CUBN: variants seen among roughly 807,000 people sequenced by gnomAD.
CUBN encodes 460 kDa receptor.
CUBN carries 282 observed loss-of-function variants against 405.3 expected under a neutral mutation model. The observed-to-expected ratio is 0.70, with a 90% CI of 0.63 to 0.77. The LOEUF (loss-of-function observed/expected upper bound fraction) is 0.77. Ranked by LOEUF, CUBN falls within the 30% of genes least tolerant of loss-of-function variation. CUBN has a pLI of 0.00. For missense variants in CUBN, 4,514 were observed against 4,475.2 expected, an observed-to-expected ratio of 1.01 and a Z score of -0.25; for synonymous variants, 1,684 against 1,617.0, an observed-to-expected ratio of 1.04 and a Z score of -0.99.
In CUBN at chr10:16,840,893, A is replaced by G. The variant is rs767672724; in HGVS notation, c.9818T>C (p.Ile3273Thr). 2.5e-6 allele frequency: 4 copies of G among 1,611,058 alleles called. No individual in the cohort carries two copies. Among genetic ancestry groups the G allele is most frequent in the Middle Eastern group, 1.9e-4 (1 of 5,216 alleles). ...EREGFNATYT[I>T]MDMPCGGTYN... ...TGCTTCTATTTACTCACTGTCCATG[A>G]TGGTGTATGTAGCATTAAATCCTTC... The change falls in exon 61 of 67, where the codon ATC becomes ACC. Residue 3273 changes from isoleucine (I) to threonine (T), a missense_variant. Around this residue, in one of 5 missense-constraint regions of CUBN, gnomAD observed 1,186 missense variants for 1,186.9 expected, o/e 1.00. Transcript: ENST00000377833.
intron 39 of CUBN, among the ~76,000 whole-genome samples, chr10:16,936,815 C>G (rs1397204017): frequency 2.6e-5 from 4 of 152,166 alleles, no homozygotes; most frequent in African/African-American, 9.7e-5. Context: ...CCTCCTGGTT[C>G]AGGCAATTCT....
chr10:16,987,564 T>C (rs190939604), intron 29 of CUBN, among the ~76,000 whole-genome samples: 1 of 152,278 alleles, frequency 6.6e-6, no homozygotes, highest in African/African-American at 2.4e-5. Flanking sequence ...AAGGGAAAAA[T>C]GGCTTCTGAA....
intron 61 of CUBN, 73 bp from the exon 62 acceptor site, chr10:16,840,608 G>A: frequency 7.8e-7 from 1 of 1,281,218 alleles, no homozygotes; most frequent in Non-Finnish European, 1.1e-6. Context: ...TTGCAATTCT[G>A]TCTTCCCTGC....
chr10:16,964,049 C>G (rs1222744812), intron 31 of CUBN, among the ~76,000 whole-genome samples: 1 of 152,138 alleles, frequency 6.6e-6, no homozygotes, highest in African/African-American at 2.4e-5. Context: ...AACAAAAGAA[C>G]TTGAAGCAAA....
rs1432738267 is a variant in CUBN at position 17,068,115 on chromosome 10, G to A, written c.2957C>T (p.Thr986Ile). The A allele has an allele frequency of 6.2e-7, 1 of 1,613,370 alleles. No homozygotes were observed. Among genetic ancestry groups the A allele is most frequent in the African/African-American group, 1.3e-5 (1 of 74,868 alleles). ...GTCATAAACTTCCAAGTAGTCGTTTGTGCAATTGTAATGAAACTCCAGATG... is the reference window on the plus strand; with the variant it reads ...GTCATAAACTTCCAAGTAGTCGTTTATGCAATTGTAATGAAACTCCAGATG... ...TFHLEFHYNC[T>I]NDYLEVYDTD... Residue 986 changes from threonine to isoleucine, a missense_variant, in exon 21 of 67, where the codon ACA becomes ATA. Thr to Ile is a moderately conservative substitution (Grantham distance 89). Transcript: ENST00000377833.
At chr10:17,054,331 CAAAA>C (rs60899709) in intron 22 of CUBN, among the ~76,000 whole-genome samples, 1 of 131,270 alleles carries the variant, frequency 7.6e-6, no homozygotes, top group East Asian at 2.2e-4. Flanking sequence ...AACTCCGTCT[CAAAA>C]AAAAAAAAAA....
At chr10:16,945,381 A>G (rs959677085) in intron 36 of CUBN, among the ~76,000 whole-genome samples, 1 of 152,196 alleles carries the variant, frequency 6.6e-6, no homozygotes, top group Non-Finnish European at 1.5e-5. Flanking sequence ...CTTAATAAAT[A>G]TCTGTTGAGT....
chr10:16,916,655 C>T (rs1049204160), intron 45 of CUBN, among the ~76,000 whole-genome samples: 9 of 152,006 alleles, frequency 5.9e-5, no homozygotes, highest in African/African-American at 1.5e-4. Flanking sequence ...TGAACTTTCG[C>T]GGTATTAAAT....
chr10:16,938,375 T>C (rs988949476), intron 38 of CUBN, among the ~76,000 whole-genome samples: 1 of 152,200 alleles, frequency 6.6e-6, no homozygotes, highest in East Asian at 1.9e-4. Context: ...AATTTTTAAA[T>C]AGCTCAGGAC....
chr10:17,050,767 G>T (rs1328806915), intron 22 of CUBN, among the ~76,000 whole-genome samples: 2 of 152,022 alleles, frequency 1.3e-5, no homozygotes, highest in African/African-American at 2.4e-5. Flanking sequence ...AGAACTTCCG[G>T]GCCAAAGGAT....
In CUBN at chr10:16,948,438, T is replaced by C. The variant is rs774215969; in HGVS notation, c.5209+40A>G. 1.4e-5 allele frequency: 23 copies of C among 1,612,398 alleles called. No homozygotes were observed. The Admixed American group carries it at 3.8e-4, about 27-fold the overall frequency. On this transcript the variant is annotated intron_variant, in intron 35 of 66. Transcript: ENST00000377833. ...TAACAAACCAAGAATTTCTACCACA[T>C]CCCTTTTAACCGCTAGAGTCAGGTG...
intron 49 of CUBN, among the ~76,000 whole-genome samples, chr10:16,906,767 C>A (rs1048916853): frequency 2.0e-5 from 3 of 152,102 alleles, no homozygotes; most frequent in Non-Finnish European, 4.4e-5. Flanking sequence ...ATTAGCAATT[C>A]TCCACTTGAT....
intron 25 of CUBN, among the ~76,000 whole-genome samples, chr10:17,044,637 A>G (rs7916057): frequency 0.27 from 41,373 of 151,946 alleles, 6,285 homozygotes; most frequent in African/African-American, 0.38. Context: ...ACTGTGAAAA[A>G]TCCTAGTGGA....
chr10:17,005,696 A>G (rs1157360387), intron 28 of CUBN, among the ~76,000 whole-genome samples: 1 of 152,120 alleles, frequency 6.6e-6, no homozygotes, highest in Non-Finnish European at 1.5e-5. Flanking sequence ...GATTATGTAT[A>G]TATTTCTACA....
intron 14 of CUBN, among the ~76,000 whole-genome samples, chr10:17,092,227 C>T (rs1233446504): frequency 6.6e-6 from 1 of 152,130 alleles, no homozygotes; most frequent in East Asian, 1.9e-4. Context: ...ACCCTGAATA[C>T]AAGAGACCCT....
chr10:16,873,035 C>T (rs1840404486), intron 58 of CUBN, among the ~76,000 whole-genome samples: 2 of 152,236 alleles, frequency 1.3e-5, no homozygotes, highest in Middle Eastern at 3.4e-3. Flanking sequence ...ATACATGAGG[C>T]CTCTGGAAGT....
At chr10:17,089,204 C>T (rs1231241133) in intron 14 of CUBN, among the ~76,000 whole-genome samples, 1 of 152,048 alleles carries the variant, frequency 6.6e-6, no homozygotes, top group Non-Finnish European at 1.5e-5. Flanking sequence ...AAAAATTTTC[C>T]TGCCAAAGTA....
Position 16,888,485 on chromosome 10 carries a change from C to A in CUBN, c.8837G>T (p.Cys2946Phe). 1 of 1,612,670 alleles carries A rather than the reference C, an allele frequency of 6.2e-7. No homozygotes were observed. The highest frequency in any genetic ancestry group is 1.1e-5 in the South Asian group (1 of 91,050). Residue 2946 changes from cysteine (C) to phenylalanine (F), a missense_variant, in exon 56 of 67, where the codon TGC becomes TTC. By Grantham distance (205) the Cys-to-Phe change is radical. Transcript: ENST00000377833. ...YPKQYDNNMN[C>F]TYVIEANPLS... The stretch of plus-strand genomic sequence containing the variant: ...AGGATTAGCCTCTATGACATAGGTG[C>A]AATTCATGTTGTTGTCATATTGTTT...
At position 16,916,030 on chromosome 10, in the gene CUBN, GC is replaced by G. The variant is rs751340456; in HGVS notation, c.7001-1del. 1 of 1,611,920 alleles carries G rather than the reference GC, an allele frequency of 6.2e-7. No homozygotes were observed. Among genetic ancestry groups the G allele is most frequent in the Non-Finnish European group, 8.5e-7 (1 of 1,179,104 alleles). On this transcript the variant is annotated splice_acceptor_variant, in intron 45 of 66. Transcript: ENST00000377833. LOFTEE classifies it high-confidence loss of function. ...CCCTGGTACTCTTCCCCCACACTGAGCTGCAAAAAATAAAAATAAATAAATA... is the reference window on the plus strand; with the variant it reads ...CCCTGGTACTCTTCCCCCACACTGAGTGCAAAAAATAAAAATAAATAAATA...
Sources: gnomAD v4.1 joint callset for allele counts (sites outside exome capture counted in the v4.1 genomes callset) on GRCh38, gnomAD v4.1.1 for gene constraint, gnomAD v4.1.1 regional missense constraint, MANE v1.5 for transcripts, NCBI Gene and HGNC (gene_info 2026-07-23, HGNC 2026-07-21) for gene names.